Variants in MAP3K9 observed in about 807,000 individuals in gnomAD.
MAP3K9 encodes mitogen-activated protein kinase kinase kinase 9.
MAP3K9 carries 46 observed loss-of-function variants against 95.8 expected under a neutral mutation model. That is an observed-to-expected ratio of 0.48 (90% CI 0.38 to 0.61). The LOEUF is 0.61. Among genes scored for constraint, MAP3K9 ranks in the 20% least tolerant of loss-of-function variants. The pLI is 0.00. For synonymous variants in MAP3K9, 533 were observed against 593.8 expected (o/e 0.90, Z 1.49); for missense variants, 1,296 against 1,474.3 (o/e 0.88, Z 1.98).
intron 2 of MAP3K9, among the ~76,000 whole-genome samples, chr14:70,788,133 A>G (rs1208170663): frequency 2.6e-5 from 4 of 152,194 alleles, no homozygotes; most frequent in African/African-American, 9.7e-5. Context: ...CTGGAGACAG[A>G]CTTTTCTTTG....
intron 7 of MAP3K9, among the ~76,000 whole-genome samples, chr14:70,739,280 C>T (rs987221371): frequency 1.3e-5 from 2 of 152,158 alleles, no homozygotes; most frequent in East Asian, 3.9e-4. Flanking sequence ...CAGATGGGTG[C>T]CACCATGCCC....
chr14:70,735,731 G>A (rs771511841), intron 9 of MAP3K9, among the ~76,000 whole-genome samples: 15 of 152,172 alleles, frequency 9.9e-5, no homozygotes, highest in Non-Finnish European at 1.8e-4. Flanking sequence ...AGTGCCAGGA[G>A]TATCCTAATT....
chr14:70,750,300 T>TA (rs1295561632), intron 3 of MAP3K9, among the ~76,000 whole-genome samples: 1 of 152,212 alleles, frequency 6.6e-6, no homozygotes, highest in Non-Finnish European at 1.5e-5. Flanking sequence ...TTTTCTCCCA[T>TA]AATTCCTTAG....
At chr14:70,778,176 C>T (rs956847641) in intron 2 of MAP3K9, among the ~76,000 whole-genome samples, 1 of 152,028 alleles carries the variant, frequency 6.6e-6, no homozygotes, top group Non-Finnish European at 1.5e-5. Context: ...AATCTCAGCT[C>T]ACTGCAACCT....
chr14:70,757,729 A>G (rs1051422448), intron 3 of MAP3K9, among the ~76,000 whole-genome samples: 2 of 152,238 alleles, frequency 1.3e-5, no homozygotes, highest in African/African-American at 4.8e-5. Context: ...AGTAGAACTG[A>G]GAATCTAGAA....
Position 70,809,315 on chromosome 14 carries a change from G to C in MAP3K9, c.-144C>G. On this transcript the variant is annotated 5_prime_UTR_variant, in exon 1 of 12. Transcript: ENST00000554752. ...AGGGCCCGGGCTGGCAGGGCTGGGAGAGCCGGCTCGCCGGCGCTGTTACCG... is the reference window on the plus strand; with the variant it reads ...AGGGCCCGGGCTGGCAGGGCTGGGACAGCCGGCTCGCCGGCGCTGTTACCG... 2.8e-6 allele frequency: 3 copies of C among 1,069,548 alleles called. No homozygotes were observed. The highest frequency in any genetic ancestry group is 1.6e-5 in the African/African-American group (1 of 60,996). The allele number at this position is 1,069,548 out of a possible 1,614,324, so 66.3% of individuals were successfully genotyped here. A position where few individuals can be genotyped will look rare whatever the true frequency, so the allele number is the denominator to read the frequency against.
intron 2 of MAP3K9, among the ~76,000 whole-genome samples, chr14:70,800,465 T>C (rs969865567): frequency 7.2e-5 from 11 of 151,998 alleles, no homozygotes; most frequent in Non-Finnish European, 4.4e-5. Context: ...CCCAAACTCC[T>C]CAGGCGCCTC....
chr14:70,787,324 T>C (rs760360338), intron 2 of MAP3K9, among the ~76,000 whole-genome samples: 4 of 151,766 alleles, frequency 2.6e-5, no homozygotes, highest in East Asian at 3.9e-4. Context: ...CTGGCCAACA[T>C]AGTGAAACCC....
chr14:70,808,709 A>G, intron 1 of MAP3K9, 57 bp downstream of exon 1: 3 of 418,526 alleles, frequency 7.2e-6, no homozygotes, highest in South Asian at 3.8e-5. Context: ...CCCTTCCCCG[A>G]CCGCCCCCCA....
intron 2 of MAP3K9, among the ~76,000 whole-genome samples, chr14:70,796,467 T>C (rs1242167866): frequency 6.6e-6 from 1 of 152,174 alleles, no homozygotes; most frequent in Non-Finnish European, 1.5e-5. Context: ...TAAGATTCCA[T>C]GGTAAGACTG....
intron 8 of MAP3K9, 103 bp from the exon 9 acceptor site, chr14:70,736,132 G>T: frequency 1.3e-6 from 1 of 779,368 alleles, no homozygotes; most frequent in Non-Finnish European, 2.3e-6. Flanking sequence ...CACATCGCCA[G>T]CTGCCTTCCC....
chr14:70,786,959 C>T (rs1031102937), intron 2 of MAP3K9, among the ~76,000 whole-genome samples: 2 of 152,054 alleles, frequency 1.3e-5, no homozygotes, highest in African/African-American at 4.8e-5. Context: ...TGAAGGTTAA[C>T]AGAATGCAGA....
chr14:70,735,648 AT>A (rs1402399898), intron 9 of MAP3K9, among the ~76,000 whole-genome samples: 2 of 152,276 alleles, frequency 1.3e-5, no homozygotes, highest in South Asian at 2.1e-4. Context: ...GAAAATCCAG[AT>A]TAGTAAAGTC....
chr14:70,757,980 T>C (rs1196812648), intron 3 of MAP3K9, among the ~76,000 whole-genome samples: 2 of 152,180 alleles, frequency 1.3e-5, no homozygotes, highest in Non-Finnish European at 2.9e-5. Flanking sequence ...TAAGTCTTCA[T>C]GACTTTGGAC....
intron 1 of MAP3K9, among the ~76,000 whole-genome samples, 181 bp from the exon 2 acceptor site, chr14:70,801,261 T>C (rs1288127089): frequency 6.6e-6 from 1 of 151,328 alleles, no homozygotes; most frequent in Non-Finnish European, 1.5e-5. Context: ...TTCCTTTGCA[T>C]TTTCCTTAGT....
At position 70,725,006 on chromosome 14, in the gene MAP3K9, G is replaced by C. The variant is rs1158615102; in HGVS notation, c.*5374C>G. The C allele has an allele frequency of 1.3e-5, 2 of 152,374 alleles. No individual in the cohort carries two copies. The highest frequency in any genetic ancestry group is 2.9e-5 in the Non-Finnish European group (2 of 68,146). 9.4% of individuals were successfully genotyped at this position (152,374 alleles called of 1,614,324 possible). ...TAGGTGATGAGTGCTTTCAAAGAGG[G>C]CAGGTCAGACCAGACAGGTAGGAAG... On this transcript the variant is annotated 3_prime_UTR_variant, in exon 12 of 12. Transcript: ENST00000554752.
At chr14:70,758,295 A>G (rs935119092) in intron 3 of MAP3K9, among the ~76,000 whole-genome samples, 7 of 152,332 alleles carry the variant, frequency 4.6e-5, no homozygotes, top group South Asian at 2.1e-4. Context: ...ACTCAACATC[A>G]TAAGTCATTT....
intron 1 of MAP3K9, among the ~76,000 whole-genome samples, chr14:70,802,459 T>C (rs2054940893): frequency 6.6e-6 from 1 of 152,238 alleles, no homozygotes; most frequent in Non-Finnish European, 1.5e-5. Flanking sequence ...GGGTAGATAA[T>C]AATAGCTGCC....
intron 5 of MAP3K9, among the ~76,000 whole-genome samples, chr14:70,747,193 T>A (rs2054159116): frequency 6.6e-6 from 1 of 152,248 alleles, no homozygotes; most frequent in Non-Finnish European, 1.5e-5. Flanking sequence ...TATCTTCACC[T>A]AAATCTCATC....
Sources: allele counts gnomAD v4.1 joint callset (sites outside exome capture counted in the v4.1 genomes callset), GRCh38; gene constraint gnomAD v4.1.1; transcripts MANE v1.5; gene names NCBI Gene and HGNC (gene_info 2026-07-23, HGNC 2026-07-21).